Variants in GLRA2 observed in about 807,000 individuals in gnomAD.
GLRA2 encodes glycine receptor alpha 2, also known as glycine receptor subunit alpha-2.
GLRA2 carries 11 observed loss-of-function variants against 31.6 expected under a neutral mutation model. The ratio of observed to expected loss-of-function variants is 0.35; its 90% CI spans 0.22 to 0.58. The LOEUF (loss-of-function observed/expected upper bound fraction) is 0.58. Ranked by LOEUF, GLRA2 falls within the 20% of genes least tolerant of loss-of-function variation. The pLI, the probability that GLRA2 is intolerant of heterozygous loss-of-function variation, is 0.84. For missense variants in GLRA2, 212 were observed against 351.8 expected, an observed-to-expected ratio of 0.60 and a Z score of 3.18; for synonymous variants, 132 against 134.0, an observed-to-expected ratio of 0.99 and a Z score of 0.10.
intron 2 of GLRA2, among the ~76,000 whole-genome samples, chrX:14,550,293 T>G (rs2089542136): frequency 1.0e-5 from 1 of 97,778 alleles, no homozygotes; most frequent in Non-Finnish European, 2.1e-5. Context: ...ATGAGAAGGG[T>G]ACATTTGTAG....
At chrX:14,656,937 C>T (rs923630761) in intron 7 of GLRA2, among the ~76,000 whole-genome samples, 1 of 111,577 alleles carries the variant, frequency 9.0e-6, no homozygotes, top group Non-Finnish European at 1.9e-5. Flanking sequence ...CACAGAAGAC[C>T]TTTCTGAAGA....
At chrX:14,563,885 T>C (rs2089764673) in intron 2 of GLRA2, among the ~76,000 whole-genome samples, 2 of 111,040 alleles carry the variant, frequency 1.8e-5, no homozygotes, top group African/African-American at 3.3e-5. Flanking sequence ...TTAATGAAGA[T>C]AGGAAAACTG....
At chrX:14,617,905 A>G (rs1404172981) in intron 7 of GLRA2, among the ~76,000 whole-genome samples, 3 of 112,185 alleles carry the variant, frequency 2.7e-5, no homozygotes, top group African/African-American at 9.7e-5. Flanking sequence ...TTCCTGGAAG[A>G]AGGGACATGA....
chrX:14,721,149 G>T (rs770059971), intron 8 of GLRA2, among the ~76,000 whole-genome samples: 30 of 108,632 alleles, frequency 2.8e-4, no homozygotes, highest in African/African-American at 1.0e-3. Context: ...ATACTGTTGG[G>T]GTTTATATAT....
intron 2 of GLRA2, among the ~76,000 whole-genome samples, chrX:14,547,305 C>A (rs1214432965): frequency 2.7e-5 from 3 of 110,929 alleles, no homozygotes; most frequent in African/African-American, 9.8e-5. Context: ...CAAGGGAGTG[C>A]AGAGCTCAAA....
intron 7 of GLRA2, among the ~76,000 whole-genome samples, chrX:14,670,255 C>G (rs1419860022): frequency 8.9e-6 from 1 of 111,837 alleles, no homozygotes; most frequent in Non-Finnish European, 1.9e-5. Context: ...CAAAGCCATT[C>G]AACAAGTCTC....
At chrX:14,724,561 G>A (rs1310288631) in intron 8 of GLRA2, among the ~76,000 whole-genome samples, 2 of 102,830 alleles carry the variant, frequency 1.9e-5, no homozygotes, top group African/African-American at 7.3e-5. Flanking sequence ...AGGAGGCAGA[G>A]GTTGCAGTGA....
the GLRA2 span, among the ~76,000 whole-genome samples, chrX:14,496,966 C>G: frequency 8.9e-6 from 1 of 111,816 alleles, no homozygotes; most frequent in Non-Finnish European, 1.9e-5. Context: ...GAAGCAAAAT[C>G]TTTTCATTGT....
intron 8 of GLRA2, among the ~76,000 whole-genome samples, chrX:14,716,298 C>CA (rs1311853735): frequency 2.0e-4 from 22 of 109,402 alleles, no homozygotes; most frequent in Non-Finnish European, 2.7e-4. Flanking sequence ...AATTGAAGAA[C>CA]AAAAAAAAAT....
At chrX:14,478,698 G>A in the GLRA2 span, among the ~76,000 whole-genome samples, 119 of 112,053 alleles carry the variant, frequency 1.1e-3, no homozygotes, top group African/African-American at 3.7e-3. Context: ...TGTTTGCCAG[G>A]AAGCTCCCAG....
chrX:14,611,910 A>G (rs932233696), intron 7 of GLRA2, among the ~76,000 whole-genome samples: 20 of 112,188 alleles, frequency 1.8e-4, no homozygotes, highest in African/African-American at 6.4e-4. Context: ...AGTAATGGCA[A>G]ATATCGCAAT....
At chrX:14,498,843 G>A in the GLRA2 span, among the ~76,000 whole-genome samples, 4 of 111,077 alleles carry the variant, frequency 3.6e-5, no homozygotes, top group East Asian at 2.8e-4. Flanking sequence ...AAGCTCCCAC[G>A]TGGGAAGGAG....
At chrX:14,668,567 T>C (rs1425843515) in intron 7 of GLRA2, among the ~76,000 whole-genome samples, 4 of 112,582 alleles carry the variant, frequency 3.6e-5, no homozygotes, top group African/African-American at 6.4e-5. Flanking sequence ...AGAGGTTTAA[T>C]TGACTTACAG....
chrX:14,510,640 G>A, the GLRA2 span, among the ~76,000 whole-genome samples: 1 of 111,685 alleles, frequency 9.0e-6, no homozygotes, highest in South Asian at 3.8e-4. Context: ...ACTCCATGGT[G>A]AAGGGACATA....
the GLRA2 span, among the ~76,000 whole-genome samples, chrX:14,476,846 A>G: frequency 2.7e-5 from 3 of 112,019 alleles, no homozygotes; most frequent in African/African-American, 9.7e-5. Flanking sequence ...TTGCCATTGA[A>G]AGTAACGGGA....
chrX:14,470,669 C>G, the GLRA2 span, among the ~76,000 whole-genome samples: 2 of 111,790 alleles, frequency 1.8e-5, no homozygotes, highest in Admixed American at 1.9e-4. Flanking sequence ...GAGGGATACA[C>G]AAAATAACCT....
intron 3 of GLRA2, among the ~76,000 whole-genome samples, chrX:14,580,223 G>C (rs1466659983): frequency 8.9e-6 from 1 of 112,199 alleles, no homozygotes; most frequent in Non-Finnish European, 1.9e-5. Flanking sequence ...TGTGGAGATG[G>C]AGCAAGTAAG....
intron 7 of GLRA2, among the ~76,000 whole-genome samples, chrX:14,630,233 T>C (rs746110062): frequency 8.9e-6 from 1 of 111,951 alleles, no homozygotes; most frequent in East Asian, 2.8e-4. Flanking sequence ...TAGATGGACC[T>C]TTTTTCCCCC....
At chrX:14,514,177 C>T in the GLRA2 span, among the ~76,000 whole-genome samples, 1 of 110,284 alleles carries the variant, frequency 9.1e-6, no homozygotes, top group African/African-American at 3.3e-5. Context: ...ATCATATGTT[C>T]TCACTCATAA....
Sources: gnomAD v4.1 joint callset for allele counts (sites outside exome capture counted in the v4.1 genomes callset) on GRCh38, gnomAD v4.1.1 for gene constraint, MANE v1.5 for transcripts, NCBI Gene and HGNC (gene_info 2026-07-23, HGNC 2026-07-21) for gene names.